The following PPFIA2 variants were observed in gnomAD, a reference collection of about 807,000 sequenced individuals.
The protein encoded by PPFIA2 is PPFI scaffold protein A2.
Under a neutral mutation model 175.5 loss-of-function variants are expected in PPFIA2, and 46 were observed. That is an observed-to-expected ratio of 0.26 (90% confidence interval 0.21 to 0.34). The LOEUF (loss-of-function observed/expected upper bound fraction) is 0.34. Ranked by LOEUF, PPFIA2 falls within the 10% of genes least tolerant of loss-of-function variation. PPFIA2 has a pLI of 1.00. For missense variants in PPFIA2, 1,179 were observed against 1,506.1 expected, an observed-to-expected ratio of 0.78 and a Z score of 3.60; for synonymous variants, 568 against 511.4, an observed-to-expected ratio of 1.11 and a Z score of -1.49.
At chr12:81,601,511 G>T (rs1287351757) in intron 4 of PPFIA2, among the ~76,000 whole-genome samples, 1 of 151,786 alleles carries the variant, frequency 6.6e-6, no homozygotes, top group African/African-American at 2.4e-5. Context: ...AAAAGTTTCT[G>T]TCTCACTAAA....
At chr12:81,386,819 T>TCA (rs1491321043) in intron 8 of PPFIA2, among the ~76,000 whole-genome samples, 1 of 152,110 alleles carries the variant, frequency 6.6e-6, no homozygotes, top group African/African-American at 2.4e-5. Context: ...TTTTCAGCAC[T>TCA]TGTTTAAAAA....
chr12:81,730,575 A>T (rs1481442880), intron 3 of PPFIA2, among the ~76,000 whole-genome samples: 1 of 151,508 alleles, frequency 6.6e-6, no homozygotes, highest in East Asian at 1.9e-4. Flanking sequence ...ACCTGGTCCC[A>T]CCCTTGACAT....
chr12:81,669,510 CTAGTAGAAAAATATAAACAATCATCCTA>C (rs1389649332), intron 4 of PPFIA2, among the ~76,000 whole-genome samples: 1 of 151,798 alleles, frequency 6.6e-6, no homozygotes, highest in Admixed American at 6.6e-5. Flanking sequence ...AGTTTATATT[CTAGTAGAAAAATATAAACAATCATCCTA>C]TAGGATCAGA....
Position 81,384,211 on chromosome 12 carries a change from C to A in PPFIA2, c.796G>T (p.Glu266Ter). The A allele has an allele frequency of 6.2e-7, 1 of 1,601,484 alleles. No individual in the cohort carries two copies. Among genetic ancestry groups the A allele is most frequent in the Non-Finnish European group, 8.5e-7 (1 of 1,172,600 alleles). The change falls in exon 9 of 33, where the codon GAA becomes TAA. Residue 266 changes from glutamate to a stop codon, truncating the protein, a stop_gained. Transcript: ENST00000549396. LOFTEE classifies it high-confidence loss of function. ...TGTAGTTCAACTATTTGACTAGTTTCATCGGTTGAGTCTATAGAACCATTG... is the reference window on the plus strand; with the variant it reads ...TGTAGTTCAACTATTTGACTAGTTTAATCGGTTGAGTCTATAGAACCATTG... ...LSNGSIDSTD[E>*]TSQIVELQEL...
At chr12:81,513,385 C>A (rs1305729929) in intron 4 of PPFIA2, among the ~76,000 whole-genome samples, 1 of 152,020 alleles carries the variant, frequency 6.6e-6, no homozygotes, top group African/African-American at 2.4e-5. Flanking sequence ...TTTGATCCAG[C>A]AACCCCACTA....
intron 4 of PPFIA2, among the ~76,000 whole-genome samples, chr12:81,558,843 T>C (rs886447282): frequency 2.6e-5 from 4 of 152,096 alleles, no homozygotes; most frequent in East Asian, 3.9e-4. Context: ...ATATGTGTGT[T>C]TTTCCATTCT....
chr12:81,281,871 A>G (rs961215958), intron 26 of PPFIA2, among the ~76,000 whole-genome samples: 1 of 152,070 alleles, frequency 6.6e-6, no homozygotes, highest in Admixed American at 6.6e-5. Flanking sequence ...TTGTAATGGC[A>G]AATGTTGATG....
intron 17 of PPFIA2, among the ~76,000 whole-genome samples, chr12:81,349,784 T>C (rs1413381685): frequency 6.6e-6 from 1 of 152,100 alleles, no homozygotes; most frequent in Admixed American, 6.6e-5. Flanking sequence ...TAACAGACAA[T>C]AGTAGCTAAC....
intron 4 of PPFIA2, among the ~76,000 whole-genome samples, chr12:81,555,919 C>T (rs1351120829): frequency 3.3e-5 from 5 of 151,910 alleles, no homozygotes; most frequent in South Asian, 4.2e-4. Context: ...TGAACCTTGT[C>T]GCCCATCAGG....
At chr12:81,665,651 T>C (rs61228953) in intron 4 of PPFIA2, among the ~76,000 whole-genome samples, 3,543 of 152,120 alleles carry the variant, frequency 0.023, 171 homozygotes, top group African/African-American at 0.082. Flanking sequence ...TCTACATTGC[T>C]GGCTCATTAA....
intron 17 of PPFIA2, 130 bp from the exon 18 acceptor site, chr12:81,347,900 A>G (rs1475120360): frequency 7.5e-7 from 1 of 1,338,458 alleles, no homozygotes; most frequent in East Asian, 2.8e-5. Flanking sequence ...CATCAAATCT[A>G]ATTTTTTCAT....
chr12:81,276,031 G>C (rs1163994033), intron 28 of PPFIA2, among the ~76,000 whole-genome samples: 1 of 152,032 alleles, frequency 6.6e-6, no homozygotes, highest in Admixed American at 6.6e-5. Flanking sequence ...TGATCCGCCC[G>C]CCTCGGCCTC....
At chr12:81,513,681 T>TTTTTAAAAATGATTTTATGTAG in intron 4 of PPFIA2, among the ~76,000 whole-genome samples, 1 of 152,034 alleles carries the variant, frequency 6.6e-6, no homozygotes, top group South Asian at 2.1e-4. Context: ...TTTACTTTTA[T>TTTTTAAAAATGATTTTATGTAG]TTTTAAAAAT....
chr12:81,572,893 T>C (rs1363346236), intron 4 of PPFIA2, among the ~76,000 whole-genome samples: 1 of 151,934 alleles, frequency 6.6e-6, no homozygotes, highest in Non-Finnish European at 1.5e-5. Context: ...AAAGGACATA[T>C]GGATCAACTT....
rs575704770 is a variant in PPFIA2, at chr12:81,706,814, A to G, written c.250-29970T>C. Reference sequence around the variant, plus strand: ...ACCAAAACAGCATGGTACTGGTACCAAAACAGAGATACAGATCAATGGAAC... The same window carrying G: ...ACCAAAACAGCATGGTACTGGTACCGAAACAGAGATACAGATCAATGGAAC... On this transcript the variant is annotated intron_variant, in intron 3 of 32. Coordinates refer to ENST00000549396, the MANE Select transcript of PPFIA2 (RefSeq NM_003625.5). 3.3e-5 allele frequency among the ~76,000 whole-genome samples: 5 copies of G among 152,336 alleles called. No individual in the cohort carries two copies. The South Asian group carries it at 1.0e-3, about 32-fold the overall frequency.
At position 81,597,910 on chromosome 12, in the gene PPFIA2, C is replaced by T. The variant is rs1407441849; in HGVS notation, c.303+78881G>A. 13 of 1,520,188 alleles carry T rather than the reference C, an allele frequency of 8.6e-6. No homozygotes were observed. The South Asian group carries it at 1.4e-4, about 17-fold the overall frequency. The allele number at this position is 1,520,188 out of a possible 1,614,324, so 94.2% of individuals were successfully genotyped here. On this transcript the variant is annotated intron_variant, in intron 4 of 32. Transcript: ENST00000549396. ...GCACTTTGTTAAAAGTTTGACAATA[C>T]ATTAACTTACTAAGTAGTGAAGCCA...
intron 4 of PPFIA2, among the ~76,000 whole-genome samples, chr12:81,664,784 A>G (rs984784104): frequency 2.6e-5 from 4 of 152,106 alleles, no homozygotes; most frequent in African/African-American, 9.7e-5. Context: ...CTTGGAACCA[A>G]CCCGAATGTC....
chr12:81,572,208 A>G (rs1460051285), intron 4 of PPFIA2, among the ~76,000 whole-genome samples: 3 of 151,800 alleles, frequency 2.0e-5, no homozygotes, highest in African/African-American at 4.8e-5. Flanking sequence ...CCCTACTTCT[A>G]TCCCTGCTCT....
At chr12:81,615,623 A>C (rs995811955) in intron 4 of PPFIA2, among the ~76,000 whole-genome samples, 3 of 152,206 alleles carry the variant, frequency 2.0e-5, no homozygotes, top group African/African-American at 7.2e-5. Flanking sequence ...GAGGTCAACT[A>C]AGATGAGGAC....
Sources: gnomAD v4.1 joint callset for allele counts (sites outside exome capture counted in the v4.1 genomes callset) on GRCh38, gnomAD v4.1.1 for gene constraint, MANE v1.5 for transcripts, NCBI Gene and HGNC (gene_info 2026-07-23, HGNC 2026-07-21) for gene names.